Variants in CNTLN observed in about 807,000 individuals in gnomAD.
CNTLN encodes centlein, also known as centlein, centrosomal protein.
In CNTLN, 212 loss-of-function variants were observed where a neutral mutation model predicts 180.0. That is an observed-to-expected ratio of 1.18 (90% CI 1.05 to 1.32). The LOEUF is 1.32. Among genes scored for constraint, CNTLN ranks in the 40% most tolerant of loss-of-function variants. The pLI is 0.00. For missense variants in CNTLN, 2,095 were observed against 1,610.9 expected, an observed-to-expected ratio of 1.30 and a Z score of -5.14; for synonymous variants, 722 against 563.1, an observed-to-expected ratio of 1.28 and a Z score of -3.99.
At chr9:17,226,669 G>C (rs943990667) in intron 3 of CNTLN, among the ~76,000 whole-genome samples, 1 of 151,882 alleles carries the variant, frequency 6.6e-6, no homozygotes, top group African/African-American at 2.4e-5. Flanking sequence ...CTTAAAACTT[G>C]TATTTTTGTG....
Position 17,391,469 on chromosome 9 carries a change from G to T in CNTLN, c.2080-3065G>T, listed in dbSNP as rs12236018. Among the ~76,000 whole-genome samples, 976 of 152,244 alleles carry T rather than the reference G, an allele frequency of 6.4e-3. 3 individuals are homozygous for T. The highest frequency in any genetic ancestry group is 0.014 in the East Asian group (74 of 5,160). On this transcript the variant is annotated intron_variant, in intron 14 of 25. Coordinates refer to ENST00000380647, the MANE Select transcript of CNTLN (RefSeq NM_017738.4). Reference sequence around the variant, plus strand: ...AGATCTTGCTTCTGAGGCACTTCCAGTGACCTTCAATTTAAGGTACTTGGC... The same window carrying T: ...AGATCTTGCTTCTGAGGCACTTCCATTGACCTTCAATTTAAGGTACTTGGC...
chr9:17,148,992 A>G (rs959970331), intron 2 of CNTLN, among the ~76,000 whole-genome samples: 3 of 151,944 alleles, frequency 2.0e-5, no homozygotes, highest in South Asian at 2.1e-4. Flanking sequence ...GACAGGACCC[A>G]GTGTGTGATG....
At chr9:17,188,753 A>G (rs1821595626) in intron 2 of CNTLN, among the ~76,000 whole-genome samples, 1 of 152,126 alleles carries the variant, frequency 6.6e-6, no homozygotes, top group Non-Finnish European at 1.5e-5. Context: ...CATTAAAAAT[A>G]TATATTCACT....
At chr9:17,201,354 G>C (rs959409766) in intron 2 of CNTLN, among the ~76,000 whole-genome samples, 2 of 152,320 alleles carry the variant, frequency 1.3e-5, no homozygotes, top group Middle Eastern at 3.4e-3. Context: ...CTCATAAAAT[G>C]AGTTAGGGAG....
At chr9:17,363,156 T>C (rs1823541405) in intron 12 of CNTLN, among the ~76,000 whole-genome samples, 1 of 152,228 alleles carries the variant, frequency 6.6e-6, no homozygotes, top group South Asian at 2.1e-4. Context: ...TTGGGTTGGT[T>C]CCAAGCCTTT....
At chr9:17,182,719 C>T (rs761562321) in intron 2 of CNTLN, among the ~76,000 whole-genome samples, 3 of 152,124 alleles carry the variant, frequency 2.0e-5, no homozygotes, top group Non-Finnish European at 2.9e-5. Flanking sequence ...CTTCTCTTAC[C>T]CTTATATACC....
chr9:17,299,811 T>C, intron 7 of CNTLN: 9 of 984,290 alleles, frequency 9.1e-6, no homozygotes, highest in Non-Finnish European at 1.1e-5. Flanking sequence ...GATGACTTTC[T>C]GTTGCTTGGA....
At chr9:17,429,871 C>G (rs1417519341) in intron 18 of CNTLN, among the ~76,000 whole-genome samples, 1 of 151,664 alleles carries the variant, frequency 6.6e-6, no homozygotes, top group Non-Finnish European at 1.5e-5. Flanking sequence ...TAATTTGAGT[C>G]CAAAAATTTT....
In CNTLN at chr9:17,464,558, C is replaced by T. The variant is rs199520810; in HGVS notation, c.3466C>T (p.Arg1156Ter). ...KRHLIEDLKFRQKVNLESNKS... is the reference protein window; with the variant it reads ...KRHLIEDLKF ...ACATTTGATAGAGGACTTGAAATTT[C>T]GACAGAAAGTAAATTTGGAAAGTAA... is the stretch of plus-strand genomic sequence containing the variant. The change falls in exon 21 of 26, where the codon CGA becomes TGA. Residue 1156 changes from arginine to a stop codon, truncating the protein, a stop_gained. Coordinates refer to ENST00000380647, the MANE Select transcript of CNTLN (RefSeq NM_017738.4). LOFTEE classifies it high-confidence loss of function. 1.1e-4 allele frequency: 158 copies of T among 1,497,794 alleles called. No individual in the cohort carries two copies. The highest frequency in any genetic ancestry group is 4.0e-4 in the Admixed American group (16 of 39,780). 92.8% of individuals were successfully genotyped at this position (1,497,794 alleles called of 1,614,324 possible).
the CNTLN span, among the ~76,000 whole-genome samples, chr9:17,513,278 CT>C: frequency 0.056 from 8,301 of 146,998 alleles, 699 homozygotes; most frequent in African/African-American, 0.19. Flanking sequence ...AATGAGAATA[CT>C]TTTTTTTTTT....
intron 1 of CNTLN, among the ~76,000 whole-genome samples, chr9:17,140,146 T>A (rs541553318): frequency 6.6e-6 from 1 of 152,308 alleles, no homozygotes; most frequent in South Asian, 2.1e-4. Flanking sequence ...GGGGGGGGAC[T>A]TTATTTTTTG....
At chr9:17,213,670 A>G (rs1006471277) in intron 2 of CNTLN, among the ~76,000 whole-genome samples, 8 of 152,192 alleles carry the variant, frequency 5.3e-5, no homozygotes, top group East Asian at 1.9e-4. Flanking sequence ...ATCGTCTCCC[A>G]TTATTATTGT....
At chr9:17,183,538 A>C (rs1821249804) in intron 2 of CNTLN, among the ~76,000 whole-genome samples, 1 of 152,056 alleles carries the variant, frequency 6.6e-6, no homozygotes, top group East Asian at 1.9e-4. Context: ...AATTGCAAAC[A>C]ATAAAAACTG....
At chr9:17,426,830 C>G (rs1279143699) in intron 18 of CNTLN, among the ~76,000 whole-genome samples, 1 of 151,824 alleles carries the variant, frequency 6.6e-6, no homozygotes, top group Non-Finnish European at 1.5e-5. Context: ...ATTCCTTGAA[C>G]CCTGTCTTTG....
chr9:17,465,076 G>A (rs1831667570), intron 21 of CNTLN, among the ~76,000 whole-genome samples: 3 of 149,620 alleles, frequency 2.0e-5, no homozygotes. Context: ...GGGAGTTGTA[G>A]TTAAAGTAGT....
At chr9:17,475,251 TTATTGACC>T (rs1359732394) in intron 23 of CNTLN, among the ~76,000 whole-genome samples, 1,563 of 152,266 alleles carry the variant, frequency 0.01, 29 homozygotes, top group African/African-American at 0.036. Context: ...ATCTAAATCA[TTATTGACC>T]TTAACGATTG....
At chr9:17,320,774 A>AT in intron 8 of CNTLN, among the ~76,000 whole-genome samples, 1 of 152,338 alleles carries the variant, frequency 6.6e-6, no homozygotes. Flanking sequence ...AAGCGCTGGG[A>AT]TTACAGGCAC....
intron 5 of CNTLN, among the ~76,000 whole-genome samples, chr9:17,269,170 C>T (rs1827751922): frequency 1.3e-5 from 2 of 152,166 alleles, no homozygotes; most frequent in African/African-American, 2.4e-5. Context: ...CCTATTCGGC[C>T]ATGTTGGCTC....
chr9:17,482,462 G>A (rs1832699669), intron 23 of CNTLN, among the ~76,000 whole-genome samples: 3 of 152,046 alleles, frequency 2.0e-5, no homozygotes, highest in Admixed American at 2.0e-4. Flanking sequence ...CTAAACAAAT[G>A]GAAAGGAATA....
Sources: gnomAD v4.1 joint callset for allele counts (sites outside exome capture counted in the v4.1 genomes callset) on GRCh38, gnomAD v4.1.1 for gene constraint, MANE v1.5 for transcripts, NCBI Gene and HGNC (gene_info 2026-07-23, HGNC 2026-07-21) for gene names.